The following VWC2 variants were observed in gnomAD, a reference collection of about 807,000 sequenced individuals.
The protein encoded by VWC2 is von Willebrand factor C domain containing 2, also known as brorin.
VWC2 carries 14 observed loss-of-function variants against 29.8 expected under a neutral mutation model. The observed-to-expected ratio is 0.47, with a 90% confidence interval of 0.31 to 0.74. The LOEUF is 0.74. Among genes scored for constraint, VWC2 ranks in the 30% least tolerant of loss-of-function variants. The pLI, the probability that VWC2 is intolerant of heterozygous loss-of-function variation, is 0.05. For missense variants in VWC2, 457 were observed against 459.8 expected (o/e 0.99, Z 0.05); for synonymous variants, 213 against 199.0 (o/e 1.07, Z -0.59).
chr7:49,908,630 G>A (rs1295328376), intron 3 of VWC2, among the ~76,000 whole-genome samples: 1 of 151,894 alleles, frequency 6.6e-6, no homozygotes, highest in Non-Finnish European at 1.5e-5. Context: ...ACCCCAGTCA[G>A]TATACTACAC....
chr7:49,891,839 T>G (rs903429288), intron 3 of VWC2, among the ~76,000 whole-genome samples: 20 of 152,146 alleles, frequency 1.3e-4, no homozygotes, highest in Non-Finnish European at 2.6e-4. Flanking sequence ...GTCCTTTTAA[T>G]AGCTACCACT....
At chr7:49,870,182 C>T (rs769611525) in intron 3 of VWC2, among the ~76,000 whole-genome samples, 4 of 152,068 alleles carry the variant, frequency 2.6e-5, no homozygotes, top group Non-Finnish European at 5.9e-5. Context: ...GGGCGGATCA[C>T]GAGGTCAGGA....
At chr7:49,883,203 C>T (rs1214045954) in intron 3 of VWC2, among the ~76,000 whole-genome samples, 1 of 152,000 alleles carries the variant, frequency 6.6e-6, no homozygotes, top group Non-Finnish European at 1.5e-5. Context: ...GCAATGAAGT[C>T]GACTGACCCG....
intron 3 of VWC2, among the ~76,000 whole-genome samples, chr7:49,838,289 C>G (rs546383829): frequency 6.6e-6 from 1 of 152,350 alleles, no homozygotes; most frequent in South Asian, 2.1e-4. Context: ...ACTTGAGATT[C>G]TTGAACAATA....
chr7:49,916,642 A>G lies in VWC2; in HGVS notation c.*4457A>G, dbSNP rs1026720075. The G allele has an allele frequency of 3.9e-5, 6 of 152,188 alleles. No individual in the cohort carries two copies. Among genetic ancestry groups the G allele is most frequent in the Non-Finnish European group, 4.4e-5 (3 of 68,022 alleles). 9.4% of individuals were successfully genotyped at this position (152,188 alleles called of 1,614,324 possible). A position where few individuals can be genotyped will look rare whatever the true frequency, so the allele number is the denominator to read the frequency against. On this transcript the variant is annotated 3_prime_UTR_variant, in exon 4 of 4. Transcript: ENST00000340652. ...TATTCAATTCCCAAAACATCACCCA[A>G]TATCTATATGTTAAAGGCTTGTTGA...
intron 3 of VWC2, among the ~76,000 whole-genome samples, chr7:49,842,282 T>G (rs1177515344): frequency 6.6e-6 from 1 of 152,244 alleles, no homozygotes; most frequent in Non-Finnish European, 1.5e-5. Flanking sequence ...CCATAGCTCA[T>G]GAGAGATGTT....
At chr7:49,810,940 T>A (rs557753352) in intron 3 of VWC2, among the ~76,000 whole-genome samples, 1 of 152,302 alleles carries the variant, frequency 6.6e-6, no homozygotes, top group East Asian at 1.9e-4. Flanking sequence ...GAGAACATCT[T>A]TATGACTATA....
At chr7:49,845,420 G>C (rs692185) in intron 3 of VWC2, among the ~76,000 whole-genome samples, 1 of 152,272 alleles carries the variant, frequency 6.6e-6, no homozygotes, top group East Asian at 1.9e-4. Flanking sequence ...AACAATGCTT[G>C]TGATTATTAC....
At chr7:49,844,692 TTTA>T (rs1256871553) in intron 3 of VWC2, among the ~76,000 whole-genome samples, 1 of 152,126 alleles carries the variant, frequency 6.6e-6, no homozygotes, top group Non-Finnish European at 1.5e-5. Context: ...CTTTTTTATT[TTTA>T]TTTTTATTTT....
At chr7:49,828,783 A>C (rs1469136802) in intron 3 of VWC2, among the ~76,000 whole-genome samples, 2 of 152,140 alleles carry the variant, frequency 1.3e-5, no homozygotes, top group Non-Finnish European at 2.9e-5. Context: ...AAATATAAGC[A>C]ACCAATCCAG....
chr7:49,801,894 C>A (rs1415352755), intron 2 of VWC2, among the ~76,000 whole-genome samples: 1 of 152,228 alleles, frequency 6.6e-6, no homozygotes, highest in African/African-American at 2.4e-5. Flanking sequence ...CGGCCCTTGG[C>A]CCCGCTTGGA....
chr7:49,824,128 T>C (rs1297402990), intron 3 of VWC2, among the ~76,000 whole-genome samples: 1 of 152,192 alleles, frequency 6.6e-6, no homozygotes, highest in Non-Finnish European at 1.5e-5. Context: ...AGTTTCTCAA[T>C]TTTTCTTTTA....
chr7:49,887,939 C>G (rs146275870), intron 3 of VWC2, among the ~76,000 whole-genome samples: 2 of 152,218 alleles, frequency 1.3e-5, no homozygotes, highest in South Asian at 2.1e-4. Flanking sequence ...TTTATTCATT[C>G]GCTTATTTAC....
chr7:49,780,623 A>T (rs577335874), intron 2 of VWC2, among the ~76,000 whole-genome samples: 47 of 152,324 alleles, frequency 3.1e-4, no homozygotes, highest in Non-Finnish European at 5.7e-4. Flanking sequence ...TTTTGGTAGG[A>T]TTGATATCAG....
intron 3 of VWC2, among the ~76,000 whole-genome samples, chr7:49,842,994 T>C (rs916720303): frequency 6.6e-6 from 1 of 152,180 alleles, no homozygotes; most frequent in African/African-American, 2.4e-5. Context: ...AGTGATCTCA[T>C]AGTGAGCTCA....
chr7:49,890,447 T>A (rs1240065597), intron 3 of VWC2, among the ~76,000 whole-genome samples: 1 of 152,142 alleles, frequency 6.6e-6, no homozygotes, highest in Non-Finnish European at 1.5e-5. Context: ...GCTGTTTGAC[T>A]TTTTACAGAC....
At position 49,912,377 on chromosome 7, in the gene VWC2, GAACTTTGGGCATA is replaced by G; in HGVS notation, c.*195_*207del. ...TGGATATATTTCAAAACATCAACAA[GAACTTTGGGCATA>G]AAATCCTTCTCTAAATAAATGTGCT... On this transcript the variant is annotated 3_prime_UTR_variant, in exon 4 of 4. Coordinates refer to ENST00000340652, the MANE Select transcript of VWC2 (RefSeq NM_198570.5). The G allele has an allele frequency of 1.9e-6, 1 of 540,054 alleles. No homozygotes were observed. Among genetic ancestry groups the G allele is most frequent in the Non-Finnish European group, 3.1e-6 (1 of 320,410 alleles). 33.5% of individuals were successfully genotyped at this position (540,054 alleles called of 1,614,324 possible).
intron 3 of VWC2, among the ~76,000 whole-genome samples, chr7:49,911,353 G>T (rs372831329): frequency 1.3e-5 from 2 of 151,540 alleles, no homozygotes; most frequent in Non-Finnish European, 2.9e-5. Flanking sequence ...GTGGTGGCAC[G>T]CCCCTATAGT....
intron 2 of VWC2, among the ~76,000 whole-genome samples, chr7:49,787,605 G>T (rs202076854): frequency 6.6e-6 from 1 of 152,188 alleles, no homozygotes; most frequent in Non-Finnish European, 1.5e-5. Context: ...TCTTTCTCAC[G>T]TGGGGCAGAA....
Sources: gnomAD v4.1 joint callset for allele counts (sites outside exome capture counted in the v4.1 genomes callset) on GRCh38, gnomAD v4.1.1 for gene constraint, MANE v1.5 for transcripts, NCBI Gene and HGNC (gene_info 2026-07-23, HGNC 2026-07-21) for gene names.